Variants in ALG11 observed in about 807,000 individuals in gnomAD.
The protein encoded by ALG11 is GDP-Man:Man(3)GlcNAc(2)-PP-Dol alpha-1,2-mannosyltransferase.
A neutral mutation model predicts 38.8 loss-of-function variants in ALG11; 26 were observed. The ratio of observed to expected loss-of-function variants is 0.67; its 90% CI spans 0.49 to 0.93. ALG11 has a LOEUF of 0.93. ALG11 is among the 40% of genes least tolerant of loss of function. The pLI is 0.00. For synonymous variants in ALG11, 199 were observed against 211.6 expected (o/e 0.94, Z 0.52); for missense variants, 535 against 578.8 (o/e 0.92, Z 0.78).
In ALG11 at chr13:52,030,274, T is replaced by TGCCCCAGAAGAAGCGGAACCC. The variant is rs1566713871; in HGVS notation, c.*1685_*1705dup. ...TTCCCCAGGTCCAGAGAGAGGAACC[T>TGCCCCAGAAGAAGCGGAACCC]GCCCCAGAAGAAGCGGAACCCCTAT... On this transcript the variant is annotated 3_prime_UTR_variant, in exon 4 of 4. Coordinates refer to ENST00000521508, the MANE Select transcript of ALG11 (RefSeq NM_001004127.3). The TGCCCCAGAAGAAGCGGAACCC allele has an allele frequency of 1.2e-6, 2 of 1,614,176 alleles. No homozygotes were observed. Among genetic ancestry groups the TGCCCCAGAAGAAGCGGAACCC allele is most frequent in the Admixed American group, 3.3e-5 (2 of 60,028 alleles).
Position 52,030,582 on chromosome 13 carries a change from T to C in ALG11, c.*1992T>C. ...GAAGAGGAGAGAGACCAAAGGCAGA[T>C]GATAAAGGAAGCTTTTGCTGGGGAT... On this transcript the variant is annotated 3_prime_UTR_variant, in exon 4 of 4. Transcript: ENST00000521508. The C allele has an allele frequency of 6.2e-7, 1 of 1,614,138 alleles. No individual in the cohort carries two copies. The highest frequency in any genetic ancestry group is 8.5e-7 in the Non-Finnish European group (1 of 1,180,034).
rs1219163776 is a variant in ALG11, at chr13:52,024,882, T to C, written c.1152T>C (p.Tyr384=). The C allele has an allele frequency of 1.2e-6, 2 of 1,613,570 alleles. No homozygotes were observed. Among genetic ancestry groups the C allele is most frequent in the Admixed American group, 3.3e-5 (2 of 60,020 alleles). Residue 384 remains tyrosine (Y), a synonymous_variant, in exon 3 of 4, where the codon TAT becomes TAC. Coordinates refer to ENST00000521508, the MANE Select transcript of ALG11 (RefSeq NM_001004127.3). ...INIPFDELKN[Y]LSEATIGLHT... is the part of the protein sequence containing the mutation. Reference sequence around the variant, plus strand: ...TTCCATTTGATGAATTAAAGAATTATTTGTCTGAAGCAACAATTGGTCTGC... The same window carrying C: ...TTCCATTTGATGAATTAAAGAATTACTTGTCTGAAGCAACAATTGGTCTGC...
rs1358228005 is a variant in ALG11, at chr13:52,031,413, GCATA to G, written c.*2826_*2829del. 1 of 335,270 alleles carries G rather than the reference GCATA, an allele frequency of 3.0e-6. No homozygotes were observed. Among genetic ancestry groups the G allele is most frequent in the Non-Finnish European group, 5.7e-6 (1 of 175,618 alleles). The allele number at this position is 335,270 out of a possible 1,614,324, so 20.8% of individuals were successfully genotyped here. ...AGACTTGTTTAATCGTGTTCTCAAA[GCATA>G]CAGTCAAGAGGTGGGACTGACTGAT... On this transcript the variant is annotated 3_prime_UTR_variant, in exon 4 of 4. Coordinates refer to ENST00000521508, the MANE Select transcript of ALG11 (RefSeq NM_001004127.3).
Position 52,028,949 on chromosome 13 carries a change from A to G in ALG11, c.*359A>G, listed in dbSNP as rs202151562. 3.2e-5 allele frequency: 52 copies of G among 1,614,150 alleles called. No individual in the cohort carries two copies. The highest frequency in any genetic ancestry group is 4.3e-5 in the Non-Finnish European group (51 of 1,180,058). On this transcript the variant is annotated 3_prime_UTR_variant, in exon 4 of 4. Coordinates refer to ENST00000521508, the MANE Select transcript of ALG11 (RefSeq NM_001004127.3). The stretch of plus-strand genomic sequence containing the variant: ...AAAGCATCAAAAGCTTCTGGAAGCA[A>G]TCATTTCCCTTGATGGAAAGAATAG...
In ALG11 at chr13:52,012,469, A is replaced by T. The variant is rs763815745; in HGVS notation, c.44+7A>T. On this transcript the variant is annotated splice_region_variant and intron_variant, in intron 1 of 3. Coordinates refer to ENST00000521508, the MANE Select transcript of ALG11 (RefSeq NM_001004127.3). ...GCCTGTGCAAGTTGTTGAGGTGAGC[A>T]GCCGGTCGTGTGGGCTCACAGACGT... 16 of 1,614,038 alleles carry T rather than the reference A, an allele frequency of 9.9e-6. No individual in the cohort carries two copies. Among genetic ancestry groups the T allele is most frequent in the Non-Finnish European group, 1.4e-5 (16 of 1,180,052 alleles).
rs1954274190 is a variant in ALG11 at position 52,029,340 on chromosome 13, C to T, written c.*750C>T. The stretch of plus-strand genomic sequence containing the variant: ...GAACATGCGCTCAGTGGCTGGAAGG[C>T]AAGAACTCCCCTGGAGCAGGAAATT... On this transcript the variant is annotated 3_prime_UTR_variant, in exon 4 of 4. Coordinates refer to ENST00000521508, the MANE Select transcript of ALG11 (RefSeq NM_001004127.3). The T allele has an allele frequency of 5.6e-6, 9 of 1,614,120 alleles. No individual in the cohort carries two copies. Among genetic ancestry groups the T allele is most frequent in the Non-Finnish European group, 7.6e-6 (9 of 1,180,022 alleles).
In ALG11 at chr13:52,032,520, C is replaced by T. The variant is rs550580125; in HGVS notation, c.*3930C>T. ...AATTGACCCCATCCACAGGCTGATT[C>T]ATCTTTGTGTTAAGGGGCAAATGAA... On this transcript the variant is annotated 3_prime_UTR_variant, in exon 4 of 4. Transcript: ENST00000521508. 2.6e-4 allele frequency: 43 copies of T among 167,162 alleles called. No individual in the cohort carries two copies. Among genetic ancestry groups the T allele is most frequent in the African/African-American group, 9.9e-4 (41 of 41,572 alleles). 10.4% of individuals were successfully genotyped at this position (167,162 alleles called of 1,614,324 possible).
chr13:52,031,265 G>A lies in ALG11; in HGVS notation c.*2675G>A. 9.1e-7 allele frequency: 1 copy of A among 1,097,054 alleles called. No individual in the cohort carries two copies. Among genetic ancestry groups the A allele is most frequent in the Non-Finnish European group, 1.3e-6 (1 of 785,312 alleles). 68.0% of individuals were successfully genotyped at this position (1,097,054 alleles called of 1,614,324 possible). On this transcript the variant is annotated 3_prime_UTR_variant, in exon 4 of 4. Transcript: ENST00000521508. Reference sequence around the variant, plus strand: ...AAAATGGATGACCATTAATTGACTAGCATTTTAGAATTGATCAGACATTAG... The same window carrying A: ...AAAATGGATGACCATTAATTGACTAACATTTTAGAATTGATCAGACATTAG...
Position 52,031,136 on chromosome 13 carries a change from G to T in ALG11, c.*2546G>T, listed in dbSNP as rs376281471. 4 of 1,574,164 alleles carry T rather than the reference G, an allele frequency of 2.5e-6. No homozygotes were observed. The highest frequency in any genetic ancestry group is 3.4e-6 in the Non-Finnish European group (4 of 1,160,560). ...GTAGCTGGAGAAGTGACAGTCAGGG[G>T]CCCTGATTCCACTTCCTTTGGTCCA... On this transcript the variant is annotated 3_prime_UTR_variant, in exon 4 of 4. Coordinates refer to ENST00000521508, the MANE Select transcript of ALG11 (RefSeq NM_001004127.3).
At chr13:52,021,899 A>G (rs951844151) in intron 2 of ALG11, 4 of 152,210 alleles carry the variant, frequency 2.6e-5, no homozygotes, top group African/African-American at 9.7e-5. Flanking sequence ...TTCTCCTAGC[A>G]TGAGCATTCC....
rs1457058839 is a variant in ALG11, at chr13:52,024,429, G to A, written c.699G>A (p.Lys233=). 1 of 1,613,846 alleles carries A rather than the reference G, an allele frequency of 6.2e-7. No homozygotes were observed. Among genetic ancestry groups the A allele is most frequent in the South Asian group, 1.1e-5 (1 of 91,044 alleles). ...GGAATCCTTTTCTCAGCAAAGTAAA[G>A]CTCATCTACTACTATTTATTTGCTT... ...ITRNPFLSKV[K]LIYYYLFAFI... The change falls in exon 3 of 4, where the codon AAG becomes AAA. Residue 233 remains lysine (K), a synonymous_variant. Coordinates refer to ENST00000521508, the MANE Select transcript of ALG11 (RefSeq NM_001004127.3).
chr13:52,023,514 C>T (rs191391712), intron 2 of ALG11: 1 of 151,122 alleles, frequency 6.6e-6, no homozygotes, highest in Non-Finnish European at 1.5e-5. Context: ...GGGAGAAGCA[C>T]TTGAACCCGG....
Position 52,030,324 on chromosome 13 carries a change from A to C in ALG11, c.*1734A>C. On this transcript the variant is annotated 3_prime_UTR_variant, in exon 4 of 4. Coordinates refer to ENST00000521508, the MANE Select transcript of ALG11 (RefSeq NM_001004127.3). Reference sequence around the variant, plus strand: ...TTGCTACAGAGGTCAGAGAGAGTACAAACTCTGGAAGAGCTAGAAGAGCTG... The same window carrying C: ...TTGCTACAGAGGTCAGAGAGAGTACCAACTCTGGAAGAGCTAGAAGAGCTG... 6.2e-7 allele frequency: 1 copy of C among 1,614,242 alleles called. No individual in the cohort carries two copies. The highest frequency in any genetic ancestry group is 8.5e-7 in the Non-Finnish European group (1 of 1,180,042).
chr13:52,030,145 A>C lies in ALG11; in HGVS notation c.*1555A>C, dbSNP rs1566713592. ...AGCCAGCAAGCAGTCAAGAAACAAA[A>C]GATTCTAGCAGCCAGGAGGTGCTGT... On this transcript the variant is annotated 3_prime_UTR_variant, in exon 4 of 4. Transcript: ENST00000521508. The C allele has an allele frequency of 6.2e-7, 1 of 1,614,240 alleles. No homozygotes were observed. Among genetic ancestry groups the C allele is most frequent in the Non-Finnish European group, 8.5e-7 (1 of 1,180,046 alleles).
Position 52,024,250 on chromosome 13 carries a change from G to C in ALG11, c.520G>C (p.Asp174His), listed in dbSNP as rs778791585. Residue 174 changes from aspartate (D) to histidine (H), a missense_variant, in exon 3 of 4, where the codon GAT becomes CAT. Coordinates refer to ENST00000521508, the MANE Select transcript of ALG11 (RefSeq NM_001004127.3). ...GCAGTGTGTTCCTGATGTTTACATT[G>C]ATTCAATGGGATACGCTTTTACGCT... is the stretch of plus-strand genomic sequence containing the variant. Reference protein sequence around the residue: ...LMQCVPDVYIDSMGYAFTLPL... With the variant: ...LMQCVPDVYIHSMGYAFTLPL... The C allele has an allele frequency of 1.5e-5, 25 of 1,614,108 alleles. No homozygotes were observed. Among genetic ancestry groups the C allele is most frequent in the Non-Finnish European group, 1.9e-5 (22 of 1,180,020 alleles).
chr13:52,017,137 C>A (rs1307710353), intron 1 of ALG11: 1 of 152,174 alleles, frequency 6.6e-6, no homozygotes, highest in Admixed American at 6.5e-5. Flanking sequence ...TGCATGGGCC[C>A]TGTAACCCCC....
At position 52,031,020 on chromosome 13, in the gene ALG11, A is replaced by C. The variant is rs775711132; in HGVS notation, c.*2430A>C. On this transcript the variant is annotated 3_prime_UTR_variant, in exon 4 of 4. Coordinates refer to ENST00000521508, the MANE Select transcript of ALG11 (RefSeq NM_001004127.3). ...ATAAAAGCAGAGGATGTGGGCTACC[A>C]GTCTTCCTCAAGGTCAGACCTGCCT... 6.2e-7 allele frequency: 1 copy of C among 1,614,192 alleles called. No individual in the cohort carries two copies. The highest frequency in any genetic ancestry group is 1.1e-5 in the South Asian group (1 of 91,088).
chr13:52,028,819 G>A lies in ALG11; in HGVS notation c.*229G>A. On this transcript the variant is annotated 3_prime_UTR_variant, in exon 4 of 4. Transcript: ENST00000521508. ...TGGCTGCTGAGATGAATGTGAACCA[G>A]GTTGCAGAGAATCTGGCTTTGAGCC... 1.2e-6 allele frequency: 2 copies of A among 1,614,232 alleles called. No individual in the cohort carries two copies. The highest frequency in any genetic ancestry group is 1.7e-6 in the Non-Finnish European group (2 of 1,180,040).
In ALG11 at chr13:52,024,227, A is replaced by G. The variant is rs756365610; in HGVS notation, c.497A>G (p.Gln166Arg). The change falls in exon 3 of 4, where the codon CAG becomes CGG. Residue 166 changes from glutamine (Q) to arginine (R), a missense_variant. Gln to Arg is a conservative substitution (Grantham distance 43). Transcript: ENST00000521508. ...SIFLGWEALMQCVPDVYIDSM... is the reference protein window; with the variant it reads ...SIFLGWEALMRCVPDVYIDSM... The stretch of plus-strand genomic sequence containing the variant: ...TTTCTTGGCTGGGAAGCTCTAATGC[A>G]GTGTGTTCCTGATGTTTACATTGAT... 1.1e-5 allele frequency: 18 copies of G among 1,613,986 alleles called. No individual in the cohort carries two copies. The Admixed American group carries it at 3.0e-4, about 27-fold the overall frequency.
Sources: allele counts gnomAD v4.1 joint callset, GRCh38; gene constraint gnomAD v4.1.1; transcripts MANE v1.5; gene names NCBI Gene and HGNC (gene_info 2026-07-23, HGNC 2026-07-21).